The following FAM13A variants were observed in gnomAD, a reference collection of about 807,000 sequenced individuals.
FAM13A encodes the protein family with sequence similarity 13 member A.
A neutral mutation model predicts 129.6 loss-of-function variants in FAM13A; 76 were observed. That is an observed-to-expected ratio of 0.59 (90% CI 0.49 to 0.71). The LOEUF is 0.71. Among genes scored for constraint, FAM13A ranks in the 30% least tolerant of loss-of-function variants. The probability of loss-of-function intolerance (pLI) is 0.00; values close to 1 mark genes in which losing one functional copy is unlikely to be tolerated. For missense variants in FAM13A, 1,108 were observed against 1,249.3 expected, an observed-to-expected ratio of 0.89 and a Z score of 1.70; for synonymous variants, 443 against 449.9, an observed-to-expected ratio of 0.98 and a Z score of 0.20.
Position 88,728,573 on chromosome 4 carries a change from A to G in FAM13A, c.3032T>C (p.Val1011Ala), listed in dbSNP as rs1456033270. The stretch of plus-strand genomic sequence containing the variant: ...ATCAGTGTCTCTCTTGCTGATGAGC[A>G]CCTCCAGGAGCCTCAGTTTCGCCTT... ...HIKAKLRLLE[V>A]LISKRDTDSK... Residue 1011 changes from valine to alanine, a missense_variant, in exon 24 of 24, where the codon GTG (valine) becomes GCG (alanine). Val to Ala is a moderately conservative substitution (Grantham distance 64). Coordinates refer to ENST00000264344, the MANE Select transcript of FAM13A (RefSeq NM_014883.4). 1 of 1,613,872 alleles carries G rather than the reference A, an allele frequency of 6.2e-7. No homozygotes were observed. Among genetic ancestry groups the G allele is most frequent in the South Asian group, 1.1e-5 (1 of 91,064 alleles).
chr4:88,972,026 G>A (rs28624770), intron 4 of FAM13A, among the ~76,000 whole-genome samples: 15,072 of 151,950 alleles, frequency 0.099, 789 homozygotes, highest in Middle Eastern at 0.14. Flanking sequence ...TCATTTATAC[G>A]TGAGCATACA....
intron 6 of FAM13A, among the ~76,000 whole-genome samples, chr4:88,882,718 A>G (rs574677429): frequency 6.6e-6 from 1 of 152,262 alleles, no homozygotes; most frequent in African/African-American, 2.4e-5. Context: ...AATACACACA[A>G]TGGCAGAATG....
chr4:88,902,686 T>C (rs1747481360), intron 6 of FAM13A, among the ~76,000 whole-genome samples: 1 of 152,192 alleles, frequency 6.6e-6, no homozygotes, highest in South Asian at 2.1e-4. Context: ...GCATTCCCGT[T>C]GAAAGCTGAC....
At chr4:89,039,062 T>C (rs77963846) in intron 1 of FAM13A, among the ~76,000 whole-genome samples, 10,361 of 152,272 alleles carry the variant, frequency 0.068, 479 homozygotes, top group Non-Finnish European at 0.1. Context: ...ATTTATCAAG[T>C]ATTCTTGCTA....
chr4:88,805,132 A>C (rs2276936), intron 7 of FAM13A, 80 bp from the exon 8 acceptor site: 401,566 of 781,368 alleles, frequency 0.51, 105,387 homozygotes, highest in East Asian at 0.69. Context: ...TTCTACCTGT[A>C]AAAAATGTTG....
At chr4:88,732,240 T>C in intron 21 of FAM13A, 42 bp from the exon 22 acceptor site, 1 of 1,451,714 alleles carries the variant, frequency 6.9e-7, no homozygotes, top group Non-Finnish European at 9.4e-7. Context: ...TGGTCACTTT[T>C]TGGGGCAGAC....
In FAM13A at chr4:88,731,380, C is replaced by A; in HGVS notation, c.2892G>T (p.Arg964Ser). Residue 964 changes from arginine (R) to serine (S), a missense_variant, in exon 23 of 24, where the codon AGG (arginine) becomes AGT (serine). Arg to Ser is a moderately radical substitution (Grantham distance 110, BLOSUM62 -1). This residue lies in a region of FAM13A where 529 missense variants were observed against 621.2 expected (regional missense o/e 0.85). Coordinates refer to ENST00000264344, the MANE Select transcript of FAM13A (RefSeq NM_014883.4). ...CAAAATCCCGAAGTTTCTTTCGAATCCTTTTCTTTTCTTCTCTCATTTCCT... is the reference window on the plus strand; with the variant it reads ...CAAAATCCCGAAGTTTCTTTCGAATACTTTTCTTTTCTTCTCTCATTTCCT... ...HLQEMREEKK[R>S]IRKKLRDFED... 6.2e-7 allele frequency: 1 copy of A among 1,608,158 alleles called. No individual in the cohort carries two copies. The highest frequency in any genetic ancestry group is 8.5e-7 in the Non-Finnish European group (1 of 1,179,656).
At chr4:89,026,713 C>A (rs1364932290) in intron 2 of FAM13A, among the ~76,000 whole-genome samples, 2 of 152,168 alleles carry the variant, frequency 1.3e-5, no homozygotes, top group African/African-American at 2.4e-5. Flanking sequence ...GGGGAAACCA[C>A]CCCCATGATT....
At chr4:88,806,915 A>G (rs1045981011) in intron 7 of FAM13A, among the ~76,000 whole-genome samples, 14 of 152,146 alleles carry the variant, frequency 9.2e-5, no homozygotes, top group African/African-American at 3.1e-4. Context: ...AAACAAAACA[A>G]TTTTAGAAAT....
chr4:88,973,690 T>A (rs1473640259), intron 4 of FAM13A, among the ~76,000 whole-genome samples: 1 of 152,068 alleles, frequency 6.6e-6, no homozygotes, highest in African/African-American at 2.4e-5. Flanking sequence ...TTTCTTTTAG[T>A]CTGCTTTGTG....
chr4:88,774,851 G>A (rs963443481), intron 11 of FAM13A, among the ~76,000 whole-genome samples: 2 of 152,176 alleles, frequency 1.3e-5, no homozygotes, highest in Non-Finnish European at 2.9e-5. Context: ...AAATGACTAA[G>A]GAGACGATGA....
chr4:88,859,126 T>C (rs573397372), intron 6 of FAM13A, among the ~76,000 whole-genome samples: 1 of 152,374 alleles, frequency 6.6e-6, no homozygotes, highest in Admixed American at 6.5e-5. Flanking sequence ...TATAATTCTT[T>C]CAAGCAGTTC....
chr4:88,943,032 C>T (rs1755050366), intron 4 of FAM13A, among the ~76,000 whole-genome samples: 1 of 152,118 alleles, frequency 6.6e-6, no homozygotes, highest in South Asian at 2.1e-4. Context: ...AACTTAATCT[C>T]GTCTGTACTA....
In FAM13A at chr4:88,977,217, TA is replaced by T. The variant is rs529327778; in HGVS notation, c.605+13755del. Among the ~76,000 whole-genome samples the T allele has an allele frequency of 5.3e-5, 8 of 152,162 alleles. No individual in the cohort carries two copies. The East Asian group carries it at 5.8e-4, about 11-fold the overall frequency. ...ACTCTTGCATTTGGGGTGATTAAGT[TA>T]AAAAAGGGTTACTTGAACACAAGCC... is the stretch of plus-strand genomic sequence containing the variant. On this transcript the variant is annotated intron_variant, in intron 4 of 23. Transcript: ENST00000264344.
intron 6 of FAM13A, among the ~76,000 whole-genome samples, chr4:88,863,094 T>C (rs1739775911): frequency 6.6e-6 from 1 of 151,956 alleles, no homozygotes; most frequent in Non-Finnish European, 1.5e-5. Flanking sequence ...CCTTTTTGCA[T>C]ATTAATGAGA....
At chr4:88,877,851 T>C (rs1204109603) in intron 6 of FAM13A, among the ~76,000 whole-genome samples, 1 of 152,206 alleles carries the variant, frequency 6.6e-6, no homozygotes, top group African/African-American at 2.4e-5. Flanking sequence ...ATATTGTACA[T>C]AGCCCTTAAC....
chr4:88,915,446 T>C (rs1367060965), intron 5 of FAM13A, among the ~76,000 whole-genome samples: 4 of 152,234 alleles, frequency 2.6e-5, no homozygotes, highest in Non-Finnish European at 4.4e-5. Context: ...AGTGAAATTC[T>C]ACATAGAATT....
In FAM13A at chr4:89,049,404, G is replaced by A. The variant is rs72875829; in HGVS notation, c.27+7534C>T. 2.4e-3 allele frequency among the ~76,000 whole-genome samples: 358 copies of A among 152,140 alleles called. 2 individuals carry two copies. The highest frequency in any genetic ancestry group is 0.01 in the Middle Eastern group (3 of 294). ...CAAATGTGCTGAAAACTAGGCCTAC[G>A]TGATTTCTTTACAGTGTAAACCACA... On this transcript the variant is annotated intron_variant, in intron 1 of 23. Transcript: ENST00000264344.
At chr4:89,010,815 A>T (rs1765625532) in intron 3 of FAM13A, among the ~76,000 whole-genome samples, 1 of 152,070 alleles carries the variant, frequency 6.6e-6, no homozygotes, top group African/African-American at 2.4e-5. Context: ...TTCTCAGGTC[A>T]TCTCAAAACC....
Sources: gnomAD v4.1 joint callset for allele counts (sites outside exome capture counted in the v4.1 genomes callset) on GRCh38, gnomAD v4.1.1 for gene constraint, gnomAD v4.1.1 regional missense constraint, MANE v1.5 for transcripts, NCBI Gene and HGNC (gene_info 2026-07-23, HGNC 2026-07-21) for gene names.